USP28: variants seen among roughly 807,000 people sequenced by gnomAD.
USP28 encodes ubiquitin specific peptidase 28, also known as ubiquitin carboxyl-terminal hydrolase 28.
USP28 carries 113 observed loss-of-function variants against 145.0 expected under a neutral mutation model. That is an observed-to-expected ratio of 0.78 (90% CI 0.67 to 0.91). USP28 has a LOEUF of 0.91. Among genes scored for constraint, USP28 ranks in the 40% least tolerant of loss-of-function variants. The pLI is 0.00. For missense variants in USP28, 1,201 were observed against 1,289.6 expected (o/e 0.93, Z 1.05); for synonymous variants, 447 against 450.9 (o/e 0.99, Z 0.11).
At chr11:113,852,391 T>C (rs1946566399) in intron 3 of USP28, 110 bp downstream of exon 3, 8 of 1,401,562 alleles carry the variant, frequency 5.7e-6, no homozygotes, top group Non-Finnish European at 7.9e-6. Context: ...TAAGCTGTTA[T>C]TACTATTATT....
intron 11 of USP28, among the ~76,000 whole-genome samples, chr11:113,826,434 C>G (rs990857898): frequency 1.5e-5 from 2 of 137,856 alleles, no homozygotes; most frequent in African/African-American, 5.5e-5. Context: ...CTGGCCCCAC[C>G]AAGTACCTGG....
At chr11:113,875,477 C>A (rs1386752966) in exon 1 of USP28, 3 of 1,230,848 alleles carry the variant, frequency 2.4e-6, no homozygotes, top group African/African-American at 3.2e-5. Context: ...CCGGCCGCGT[C>A]GTCCTGCTGC....
intron 24 of USP28, among the ~76,000 whole-genome samples, chr11:113,801,193 G>A (rs1304575074): frequency 1.3e-5 from 2 of 152,178 alleles, no homozygotes; most frequent in Non-Finnish European, 2.9e-5. Flanking sequence ...GCACATGAGA[G>A]AGTAATGGAA....
At chr11:113,841,703 C>T in exon 4 of USP28, 1 of 1,613,378 alleles carries the variant, frequency 6.2e-7, no homozygotes, top group Non-Finnish European at 8.5e-7. Context: ...TTGGGAGACT[C>T]CAGTAGACTC....
In USP28 at chr11:113,817,853, A is replaced by C. The variant is rs970493779; in HGVS notation, c.1284-16T>G. 6.2e-7 allele frequency: 1 copy of C among 1,611,958 alleles called. No homozygotes were observed. The highest frequency in any genetic ancestry group is 8.5e-7 in the Non-Finnish European group (1 of 1,179,690). ...TTTCACATACCTAAGCGACAAAGAC[A>C]GTGGTACTCTACTGCCCAAGGCTGT... On this transcript the variant is annotated splice_polypyrimidine_tract_variant and intron_variant, in intron 12 of 24. Coordinates refer to ENST00000003302, the Ensembl canonical transcript of USP28.
At chr11:113,810,458 T>C (rs1940793158) in intron 16 of USP28, among the ~76,000 whole-genome samples, 1 of 152,250 alleles carries the variant, frequency 6.6e-6, no homozygotes, top group Non-Finnish European at 1.5e-5. Flanking sequence ...CAGTTTCCAC[T>C]TGTTTGTTTC....
At chr11:113,861,788 TAA>T (rs1947722889) in intron 1 of USP28, among the ~76,000 whole-genome samples, 1 of 152,200 alleles carries the variant, frequency 6.6e-6, no homozygotes, top group Admixed American at 6.5e-5. Flanking sequence ...TAGAATACAT[TAA>T]GACAATATTT....
intron 1 of USP28, among the ~76,000 whole-genome samples, chr11:113,858,336 A>G (rs1028898644): frequency 6.6e-6 from 1 of 152,168 alleles, no homozygotes; most frequent in African/African-American, 2.4e-5. Context: ...TTCTCCTCTC[A>G]GTTCCTTACT....
intron 21 of USP28, 141 bp from the exon 23 acceptor site, chr11:113,804,018 A>G (rs1939509680): frequency 4.4e-6 from 3 of 674,858 alleles, no homozygotes. Context: ...GCTTTCAGAT[A>G]AAAACCTACT....
intron 3 of USP28, among the ~76,000 whole-genome samples, chr11:113,846,195 C>T (rs934866111): frequency 6.6e-6 from 1 of 152,074 alleles, no homozygotes; most frequent in Non-Finnish European, 1.5e-5. Context: ...TACTATTCAA[C>T]GCATACTAAG....
intron 1 of USP28, among the ~76,000 whole-genome samples, chr11:113,864,660 TG>T (rs1401333041): frequency 1.3e-5 from 2 of 152,192 alleles, no homozygotes; most frequent in Admixed American, 6.5e-5. Flanking sequence ...TCAGCATTTT[TG>T]TTCTATTCAG....
At chr11:113,809,978 T>TA (rs889762514) in intron 16 of USP28, among the ~76,000 whole-genome samples, 15 of 132,074 alleles carry the variant, frequency 1.1e-4, no homozygotes, top group Non-Finnish European at 2.0e-4. Context: ...GAGGTTGCAG[T>TA]AAGCTGAGGT....
chr11:113,798,065 GGTTTTTTT>G (rs1388612266), exon 25 of USP28: 1 of 96,966 alleles, frequency 1.0e-5, no homozygotes, highest in Admixed American at 1.4e-4. Context: ...TATGTATGCT[GGTTTTTTT>G]TTTTTTTTTT....
chr11:113,827,400 A>C, intron 10 of USP28, 40 bp from the exon 11 acceptor site: 2 of 1,536,698 alleles, frequency 1.3e-6, no homozygotes, highest in East Asian at 2.3e-5. Flanking sequence ...AGAAAAATTA[A>C]TTTTAGGAAA....
chr11:113,869,493 G>C (rs561795878), intron 1 of USP28, among the ~76,000 whole-genome samples: 1 of 152,214 alleles, frequency 6.6e-6, no homozygotes, highest in African/African-American at 2.4e-5. Context: ...AGCTACTCAA[G>C]TGTCTGAGGA....
intron 1 of USP28, among the ~76,000 whole-genome samples, chr11:113,856,909 C>A (rs78346388): frequency 0.12 from 18,097 of 151,934 alleles, 1,080 homozygotes; most frequent in Middle Eastern, 0.17. Context: ...ATCTTTGCAC[C>A]CTAACAAGTT....
At chr11:113,862,768 C>A (rs977179284) in intron 1 of USP28, among the ~76,000 whole-genome samples, 1 of 152,010 alleles carries the variant, frequency 6.6e-6, no homozygotes, top group Admixed American at 6.6e-5. Context: ...ACCACACCAA[C>A]AGAATGAAGG....
At chr11:113,857,545 C>T (rs557688668) in intron 1 of USP28, among the ~76,000 whole-genome samples, 8 of 152,282 alleles carry the variant, frequency 5.3e-5, no homozygotes, top group African/African-American at 1.7e-4. Context: ...AACAGACTGT[C>T]AACTGTTGTT....
At chr11:113,852,354 G>T in intron 3 of USP28, 147 bp downstream of exon 3, 1 of 1,139,444 alleles carries the variant, frequency 8.8e-7, no homozygotes, top group Non-Finnish European at 1.2e-6. Context: ...TTAGAATTGT[G>T]CCTGCCACAT....
Sources: gnomAD v4.1 joint callset for allele counts (sites outside exome capture counted in the v4.1 genomes callset) on GRCh38, gnomAD v4.1.1 for gene constraint, MANE v1.5 for transcripts, NCBI Gene and HGNC (gene_info 2026-07-23, HGNC 2026-07-21) for gene names.